Variants in NKIRAS1 observed in about 807,000 individuals in gnomAD.
NKIRAS1 encodes NF-kappa-B inhibitor-interacting Ras-like protein 1.
NKIRAS1 carries 16 observed loss-of-function variants against 19.8 expected under a neutral mutation model. That is an observed-to-expected ratio of 0.81 (90% CI 0.55 to 1.23). NKIRAS1 has a LOEUF of 1.23. Ranked by LOEUF, NKIRAS1 falls within the 50% of genes most tolerant of loss-of-function variation. The probability of loss-of-function intolerance (pLI) is 0.00; values close to 1 mark genes in which losing one functional copy is unlikely to be tolerated. For missense variants in NKIRAS1, 184 were observed against 220.0 expected (o/e 0.84, Z 1.04); for synonymous variants, 88 against 79.0 (o/e 1.11, Z -0.61).
Position 23,907,274 on chromosome 3 carries a change from A to G in NKIRAS1, c.94+3537T>C, listed in dbSNP as rs1402670225. On this transcript the variant is annotated intron_variant, in intron 3 of 4. Transcript: ENST00000425478. ...GTACAGTATATAATACACACAACAT[A>G]TAAGACATGGCAATTAACTGTTTAT... Among the ~76,000 whole-genome samples the G allele has an allele frequency of 3.3e-5, 5 of 152,164 alleles. 1 individual carries two copies. The South Asian group carries it at 1.0e-3, about 31-fold the overall frequency.
chr3:23,918,330 C>T (rs1363448380), upstream of NKIRAS1: 1 of 1,256,868 alleles, frequency 8.0e-7, no homozygotes, highest in Non-Finnish European at 1.1e-6. Flanking sequence ...TATTAGATAG[C>T]ATTAACTTAC....
intron 3 of NKIRAS1, among the ~76,000 whole-genome samples, chr3:23,909,848 GTTTTTGTTTT>G (rs908018051): frequency 7.5e-6 from 1 of 133,914 alleles, no homozygotes; most frequent in East Asian, 2.1e-4. Context: ...CTGCAAAGTT[GTTTTTGTTTT>G]TTTTTGTTTT....
intron 1 of NKIRAS1, among the ~76,000 whole-genome samples, chr3:23,912,189 G>T (rs1041343440): frequency 6.6e-6 from 1 of 152,010 alleles, no homozygotes; most frequent in South Asian, 2.1e-4. Context: ...CAAAATAGAC[G>T]AATGGGATCT....
chr3:23,915,599 C>T (rs1381932887), intron 1 of NKIRAS1, among the ~76,000 whole-genome samples: 1 of 152,114 alleles, frequency 6.6e-6, no homozygotes, highest in Non-Finnish European at 1.5e-5. Flanking sequence ...ATGAAGTCAT[C>T]CTTCTGTTCA....
intron 3 of NKIRAS1, among the ~76,000 whole-genome samples, chr3:23,902,841 T>C (rs1702653830): frequency 6.6e-6 from 1 of 152,324 alleles, no homozygotes; most frequent in South Asian, 2.1e-4. Flanking sequence ...AGTTCCACCA[T>C]GAAAACAGGG....
intron 3 of NKIRAS1, among the ~76,000 whole-genome samples, chr3:23,902,477 G>A (rs1702613542): frequency 6.6e-6 from 1 of 152,062 alleles, no homozygotes; most frequent in Non-Finnish European, 1.5e-5. Flanking sequence ...AAGCCCTAAG[G>A]AAATTAAAGG....
At chr3:23,932,485 C>G (rs1370446435) in intron 1 of NKIRAS1, among the ~76,000 whole-genome samples, 2 of 151,756 alleles carry the variant, frequency 1.3e-5, no homozygotes, top group East Asian at 1.9e-4. Flanking sequence ...GGTCGGGAGT[C>G]CAAGACCAGC....
chr3:23,921,579 T>G (rs761888531), upstream of NKIRAS1: 116 of 672,606 alleles, frequency 1.7e-4, no homozygotes, highest in South Asian at 6.9e-4. Flanking sequence ...AGTTTTTTTT[T>G]TTTTTTTTTT....
At chr3:23,894,175 G>T (rs1701744047) in intron 4 of NKIRAS1, among the ~76,000 whole-genome samples, 1 of 152,198 alleles carries the variant, frequency 6.6e-6, no homozygotes, top group Admixed American at 6.5e-5. Context: ...GACACTGCGC[G>T]TGACAGAATA....
Position 23,912,511 on chromosome 3 carries a change from G to A in NKIRAS1, c.-139-1061C>T, listed in dbSNP as rs1412485311. Among the ~76,000 whole-genome samples the A allele has an allele frequency of 2.0e-5, 3 of 152,152 alleles. No homozygotes were observed. The East Asian group carries it at 5.8e-4, about 29-fold the overall frequency. ...ATGAGATACCATCTCACGCCAATTA[G>A]AATGGTTATCATTAAAAAGTCAGGA... On this transcript the variant is annotated intron_variant, in intron 1 of 4. Coordinates refer to ENST00000425478, the MANE Select transcript of NKIRAS1 (RefSeq NM_020345.4).
chr3:23,926,593 AT>A lies in NKIRAS1; in HGVS notation c.-139-15144del, dbSNP rs1559515048. On this transcript the variant is annotated intron_variant, in intron 1 of 4. Transcript: ENST00000421515. The surrounding 1 kb of genome is among the most constrained non-coding windows in gnomAD (Gnocchi z 4.3). ...TTACCGTAAAAAGTTTGATGTATAG[AT>A]TTCATATGAGAATAGTATTTGTTGC... 7.9e-5 allele frequency among the ~76,000 whole-genome samples: 12 copies of A among 152,034 alleles called. No individual in the cohort carries two copies. The South Asian group carries it at 2.5e-3, about 32-fold the overall frequency.
At chr3:23,945,960 C>A (rs1179475371) in intron 1 of NKIRAS1, among the ~76,000 whole-genome samples, 1 of 151,214 alleles carries the variant, frequency 6.6e-6, no homozygotes, top group Non-Finnish European at 1.5e-5. Flanking sequence ...CGGCGGCGGG[C>A]GGGGACACGT....
At chr3:23,899,934 C>G (rs1374495012) in intron 4 of NKIRAS1, among the ~76,000 whole-genome samples, 3 of 152,148 alleles carry the variant, frequency 2.0e-5, no homozygotes, top group African/African-American at 7.2e-5. Flanking sequence ...GAGGCCGAAG[C>G]AGGCGGATCA....
At chr3:23,933,889 G>T (rs904005024) in intron 1 of NKIRAS1, among the ~76,000 whole-genome samples, 1 of 152,164 alleles carries the variant, frequency 6.6e-6, no homozygotes, top group Non-Finnish European at 1.5e-5. Context: ...TTCCAAGATG[G>T]CGCCTTGGCT....
intron 3 of NKIRAS1, among the ~76,000 whole-genome samples, chr3:23,908,117 T>C (rs1024706944): frequency 6.6e-6 from 1 of 152,166 alleles, no homozygotes; most frequent in African/African-American, 2.4e-5. Context: ...ATGAAATTGG[T>C]ATTTCATCAG....
chr3:23,911,718 G>C (rs1703756704), intron 1 of NKIRAS1, among the ~76,000 whole-genome samples: 1 of 151,100 alleles, frequency 6.6e-6, no homozygotes, highest in Non-Finnish European at 1.5e-5. Flanking sequence ...GTTTATGTCA[G>C]TCTTTTCTCG....
At chr3:23,924,113 G>C (rs1248012281) in intron 1 of NKIRAS1, 2 of 152,230 alleles carry the variant, frequency 1.3e-5, no homozygotes, top group Non-Finnish European at 2.9e-5. Context: ...ATTAATACAA[G>C]ATGGGTGAAA....
At position 23,893,936 on chromosome 3, in the gene NKIRAS1, G is replaced by T. The variant is rs566664296; in HGVS notation, c.337-599C>A. Among the ~76,000 whole-genome samples, 5 of 149,024 alleles carry T rather than the reference G, an allele frequency of 3.4e-5. No homozygotes were observed. In the South Asian group the frequency reaches 1.0e-3, roughly 31 times the overall value. On this transcript the variant is annotated intron_variant, in intron 4 of 4. Transcript: ENST00000425478. Reference sequence around the variant, plus strand: ...GATACAGACTGGTTTCAATGAGTCTGCATTTCAGTTTGGCTACACTTGATG... The same window carrying T: ...GATACAGACTGGTTTCAATGAGTCTTCATTTCAGTTTGGCTACACTTGATG...
chr3:23,893,979 A>G (rs1023753788), intron 4 of NKIRAS1, among the ~76,000 whole-genome samples: 1 of 152,144 alleles, frequency 6.6e-6, no homozygotes, highest in Non-Finnish European at 1.5e-5. Flanking sequence ...GATTTGCAAC[A>G]TAGTACTTCA....
Sources: allele counts gnomAD v4.1 joint callset (sites outside exome capture counted in the v4.1 genomes callset), GRCh38; gene constraint gnomAD v4.1.1; non-coding constraint Gnocchi (gnomAD v3.1); transcripts MANE v1.5; gene names NCBI Gene and HGNC (gene_info 2026-07-23, HGNC 2026-07-21).